Variants in ABR observed in about 807,000 individuals in gnomAD.
ABR encodes the protein active breakpoint cluster region-related protein.
ABR carries 35 observed loss-of-function variants against 107.2 expected under a neutral mutation model. The observed-to-expected ratio is 0.33, with a 90% CI of 0.25 to 0.43. ABR has a LOEUF of 0.43. Ranked by LOEUF, ABR falls within the 20% of genes least tolerant of loss-of-function variation. The pLI is 1.00. For synonymous variants in ABR, 498 were observed against 462.0 expected (o/e 1.08, Z -1.00); for missense variants, 815 against 1,115.2 (o/e 0.73, Z 3.83).
intron 10 of ABR, among the ~76,000 whole-genome samples, chr17:1,061,919 C>T (rs898776019): frequency 1.3e-5 from 2 of 152,124 alleles, no homozygotes; most frequent in South Asian, 4.1e-4. Context: ...CCCTGGAGTT[C>T]AAATTCCAGT....
At chr17:1,135,019 TTAC>T (rs1352103041) in intron 1 of ABR, among the ~76,000 whole-genome samples, 8 of 152,238 alleles carry the variant, frequency 5.3e-5, no homozygotes, top group Admixed American at 6.5e-5. Context: ...GCTGCTATTA[TTAC>T]TGTTATTAAT....
chr17:1,006,678 C>T (rs1018682891), intron 22 of ABR, among the ~76,000 whole-genome samples: 7 of 152,180 alleles, frequency 4.6e-5, no homozygotes, highest in Non-Finnish European at 7.4e-5. Context: ...CAGCTTCCCA[C>T]GAGGGAAGAG....
upstream of ABR, among the ~76,000 whole-genome samples, chr17:1,191,030 T>A (rs1471344654): frequency 6.6e-6 from 1 of 152,204 alleles, no homozygotes; most frequent in Non-Finnish European, 1.5e-5. Context: ...CAGATTGCGC[T>A]GGGCCATGGT....
At chr17:1,039,867 G>A (rs1398162419) in intron 16 of ABR, among the ~76,000 whole-genome samples, 4 of 152,144 alleles carry the variant, frequency 2.6e-5, no homozygotes, top group African/African-American at 4.8e-5. Flanking sequence ...GGGCGCCGAC[G>A]CGGGCTGATC....
At chr17:1,108,972 TG>T in intron 2 of ABR, 1 of 1,597,632 alleles carries the variant, frequency 6.3e-7, no homozygotes, top group African/African-American at 1.4e-5. Context: ...GAGCCGGGGC[TG>T]GTCGGGGTTC....
chr17:1,012,978 C>T, intron 17 of ABR, 127 bp downstream of exon 17: 1 of 1,222,276 alleles, frequency 8.2e-7, no homozygotes. Flanking sequence ...GGAGAGGGGG[C>T]TGGGCTGCGG....
At position 1,113,279 on chromosome 17, in the gene ABR, T is replaced by G. The variant is rs1404871379; in HGVS notation, c.246+11904A>C. ...GATAACATGGAAACACCTATTGCGA[T>G]TTTTTTTTTTTTTTTTTTTTTTTTT... On this transcript the variant is annotated intron_variant, in intron 2 of 22. Coordinates refer to ENST00000302538, the MANE Select transcript of ABR (RefSeq NM_021962.5). 7.9e-5 allele frequency among the ~76,000 whole-genome samples: 7 copies of G among 88,426 alleles called. 1 individual carries two copies. Among genetic ancestry groups the G allele is most frequent in the African/African-American group, 3.4e-4 (7 of 20,340 alleles). 58.0% of individuals were successfully genotyped at this position (88,426 alleles called of 152,430 possible). A position where few individuals can be genotyped will look rare whatever the true frequency, so the allele number is the denominator to read the frequency against.
At chr17:1,015,582 G>A (rs373505153) in intron 16 of ABR, among the ~76,000 whole-genome samples, 28 of 151,682 alleles carry the variant, frequency 1.8e-4, no homozygotes, top group African/African-American at 6.5e-4. Flanking sequence ...TCAGCCTCCC[G>A]AGTAGCTGGA....
At chr17:1,128,266 A>T (rs1567803108) in intron 1 of ABR, among the ~76,000 whole-genome samples, 1 of 152,232 alleles carries the variant, frequency 6.6e-6, no homozygotes. Context: ...ACCCTGGGGG[A>T]GGAAGATGGG....
chr17:1,088,572 TTTTAC>T (rs1407272617), intron 4 of ABR, among the ~76,000 whole-genome samples: 2 of 151,964 alleles, frequency 1.3e-5, no homozygotes, highest in African/African-American at 2.4e-5. Context: ...GCACTTTTTC[TTTTAC>T]TTTATTGTAT....
At chr17:1,013,632 C>G (rs2150749914) in intron 16 of ABR, among the ~76,000 whole-genome samples, 1 of 152,360 alleles carries the variant, frequency 6.6e-6, no homozygotes, top group East Asian at 1.9e-4. Flanking sequence ...GTTGAAGAGT[C>G]AGGAGCCCGC....
chr17:1,180,870 T>G (rs899108027), upstream of ABR, among the ~76,000 whole-genome samples: 4 of 152,164 alleles, frequency 2.6e-5, no homozygotes, highest in African/African-American at 9.7e-5. Flanking sequence ...CAGACCTCTT[T>G]GGGCCAAGCG....
intron 16 of ABR, among the ~76,000 whole-genome samples, chr17:1,046,490 C>T (rs935224645): frequency 6.6e-6 from 1 of 152,184 alleles, no homozygotes; most frequent in Non-Finnish European, 1.5e-5. Flanking sequence ...AGGCTGGTCT[C>T]GAACTCCTGA....
intron 1 of ABR, among the ~76,000 whole-genome samples, chr17:1,168,172 G>A (rs1229409160): frequency 6.6e-6 from 1 of 152,194 alleles, no homozygotes; most frequent in African/African-American, 2.4e-5. Flanking sequence ...TGTAATCCCA[G>A]CTACTCGGGA....
intron 2 of ABR, among the ~76,000 whole-genome samples, chr17:1,120,654 G>A (rs1237059637): frequency 5.9e-5 from 9 of 152,112 alleles, no homozygotes; most frequent in Admixed American, 4.6e-4. Flanking sequence ...CCCCTGTTTC[G>A]ATTTTACATT....
At chr17:1,226,792 T>C (rs2043229899) in intron 1 of ABR, among the ~76,000 whole-genome samples, 1 of 151,792 alleles carries the variant, frequency 6.6e-6, no homozygotes, top group Non-Finnish European at 1.5e-5. Context: ...GTACCATGTG[T>C]ATACGTGTGC....
At chr17:1,090,399 G>A (rs559428572) in intron 4 of ABR, among the ~76,000 whole-genome samples, 1 of 152,262 alleles carries the variant, frequency 6.6e-6, no homozygotes, top group African/African-American at 2.4e-5. Context: ...GAGAGGTGGG[G>A]GTGGGAGGTG....
At chr17:1,153,665 G>A (rs1241004184) in intron 1 of ABR, 1 of 89,264 alleles carries the variant, frequency 1.1e-5, no homozygotes, top group African/African-American at 3.5e-5. Flanking sequence ...GCACACCTGC[G>A]GGAGGGCTGG....
chr17:1,096,937 G>A (rs1223865917), intron 3 of ABR, among the ~76,000 whole-genome samples: 1 of 149,358 alleles, frequency 6.7e-6, no homozygotes, highest in Non-Finnish European at 1.5e-5. Context: ...GGGGAAGGGG[G>A]GAACCTGCCC....
Sources: gnomAD v4.1 joint callset for allele counts (sites outside exome capture counted in the v4.1 genomes callset) on GRCh38, gnomAD v4.1.1 for gene constraint, MANE v1.5 for transcripts, NCBI Gene and HGNC (gene_info 2026-07-23, HGNC 2026-07-21) for gene names.